The following TBC1D1 variants were observed in gnomAD, a reference collection of about 807,000 sequenced individuals.
TBC1D1 encodes TBC1 domain family member 1, also known as TBC1 (tre-2/USP6, BUB2, cdc16) domain family, member 1.
Under a neutral mutation model 125.6 loss-of-function variants are expected in TBC1D1, and 89 were observed. The ratio of observed to expected loss-of-function variants is 0.71; its 90% CI spans 0.60 to 0.85. TBC1D1 has a LOEUF of 0.85. TBC1D1 is among the 40% of genes least tolerant of loss of function. The pLI, the probability that TBC1D1 is intolerant of heterozygous loss-of-function variation, is 0.00. For missense variants in TBC1D1, 1,377 were observed against 1,469.2 expected (o/e 0.94, Z 1.03); for synonymous variants, 565 against 564.1 (o/e 1.00, Z -0.02).
intron 12 of TBC1D1, among the ~76,000 whole-genome samples, chr4:38,083,884 G>C (rs1312640647): frequency 6.6e-6 from 1 of 151,572 alleles, no homozygotes; most frequent in African/African-American, 2.4e-5. Flanking sequence ...CAGCATGCCT[G>C]GCATGAGGCA....
intron 2 of TBC1D1, among the ~76,000 whole-genome samples, chr4:37,970,552 A>G (rs536895708): frequency 5.5e-4 from 83 of 152,216 alleles, no homozygotes; most frequent in Non-Finnish European, 1.0e-3. Context: ...TTTCCTTTGC[A>G]GCCTGAAGTT....
At chr4:37,906,229 C>A (rs1319968505) in intron 2 of TBC1D1, among the ~76,000 whole-genome samples, 1 of 152,056 alleles carries the variant, frequency 6.6e-6, no homozygotes, top group African/African-American at 2.4e-5. Flanking sequence ...CTCACTGCAA[C>A]CTCTGCCTCC....
intron 6 of TBC1D1, among the ~76,000 whole-genome samples, chr4:38,023,389 G>A (rs1744459856): frequency 2.0e-5 from 3 of 152,046 alleles, no homozygotes; most frequent in Admixed American, 2.0e-4. Context: ...TTGTAAGCAT[G>A]CCCTTCATTG....
At chr4:37,905,188 T>C (rs1717047118) in intron 2 of TBC1D1, among the ~76,000 whole-genome samples, 1 of 152,220 alleles carries the variant, frequency 6.6e-6, no homozygotes, top group African/African-American at 2.4e-5. Context: ...GTATGTTCCA[T>C]AGAATATGAG....
intron 6 of TBC1D1, among the ~76,000 whole-genome samples, chr4:38,025,072 C>G (rs1744804028): frequency 6.6e-6 from 1 of 152,108 alleles, no homozygotes; most frequent in Non-Finnish European, 1.5e-5. Context: ...AAAAGAGGAG[C>G]ATTCATTAAA....
At position 37,957,268 on chromosome 4, in the gene TBC1D1, C is replaced by T. The variant is rs141892411; in HGVS notation, c.417+54756C>T. ...ATATGACACATGTTTTCATTCTTCACAATCATTAAAGTAATAAATAACACT... is the reference window on the plus strand; with the variant it reads ...ATATGACACATGTTTTCATTCTTCATAATCATTAAAGTAATAAATAACACT... On this transcript the variant is annotated intron_variant, in intron 2 of 19. Transcript: ENST00000261439. Among the ~76,000 whole-genome samples, 6 of 152,310 alleles carry T rather than the reference C, an allele frequency of 3.9e-5. No homozygotes were observed. The East Asian group carries it at 1.2e-3, about 29-fold the overall frequency.
chr4:38,119,734 A>T (rs1313555939), intron 17 of TBC1D1, among the ~76,000 whole-genome samples: 1 of 152,232 alleles, frequency 6.6e-6, no homozygotes, highest in Non-Finnish European at 1.5e-5. Context: ...ATACAGGGTC[A>T]TGAAGAGGAG....
chr4:38,124,899 A>G (rs1262396988), intron 17 of TBC1D1, 63 bp from the exon 20 acceptor site: 6 of 1,442,456 alleles, frequency 4.2e-6, no homozygotes, highest in Non-Finnish European at 2.9e-6. Context: ...GGAAAAGGCA[A>G]TGGAATGGTA....
intron 11 of TBC1D1, 63 bp from the exon 13 acceptor site, chr4:38,053,043 T>C: frequency 8.5e-7 from 1 of 1,170,480 alleles, no homozygotes; most frequent in Non-Finnish European, 1.1e-6. Flanking sequence ...TTGAAGCTTA[T>C]ATTTTATACT....
rs558749265 is a variant in TBC1D1 at position 38,086,719 on chromosome 4, T to C, written c.2051-3213T>C. Among the ~76,000 whole-genome samples, 9 of 152,066 alleles carry C rather than the reference T, an allele frequency of 5.9e-5. No homozygotes were observed. The South Asian group carries it at 1.7e-3, about 28-fold the overall frequency. ...CCGACGTGCTAGCAAGCGCATAGGG[T>C]TGCATGAGGAAATAGAGAGTAAAGC... On this transcript the variant is annotated intron_variant, in intron 12 of 19. Coordinates refer to ENST00000261439, the MANE Select transcript of TBC1D1 (RefSeq NM_015173.4).
chr4:38,029,398 G>A (rs1252024137), intron 7 of TBC1D1, among the ~76,000 whole-genome samples: 2 of 152,014 alleles, frequency 1.3e-5, no homozygotes, highest in African/African-American at 2.4e-5. Context: ...ACAGAGTCTC[G>A]CTCTGTTGCC....
chr4:38,087,863 GA>G (rs367742093), intron 12 of TBC1D1, among the ~76,000 whole-genome samples: 9,177 of 83,914 alleles, frequency 0.11, 451 homozygotes, highest in Non-Finnish European at 0.14. Flanking sequence ...AAAAAAAAAA[GA>G]AAAAAAAAAA....
At chr4:38,125,993 A>G (rs1045735193) in intron 18 of TBC1D1, among the ~76,000 whole-genome samples, 1 of 152,236 alleles carries the variant, frequency 6.6e-6, no homozygotes, top group African/African-American at 2.4e-5. Flanking sequence ...GTGTCACTTA[A>G]TAATAGCAAT....
At chr4:37,997,711 C>T (rs1338091574) in intron 2 of TBC1D1, among the ~76,000 whole-genome samples, 1 of 151,898 alleles carries the variant, frequency 6.6e-6, no homozygotes, top group Non-Finnish European at 1.5e-5. Flanking sequence ...TTAATAAGCA[C>T]TATTGAAAAT....
intron 2 of TBC1D1, among the ~76,000 whole-genome samples, chr4:37,961,965 G>T (rs1730143243): frequency 6.6e-6 from 1 of 152,184 alleles, no homozygotes; most frequent in Non-Finnish European, 1.5e-5. Context: ...TTGCTTCCAT[G>T]CTATTTTAAA....
At chr4:37,960,891 G>A (rs771174368) in intron 2 of TBC1D1, 1 of 1,614,012 alleles carries the variant, frequency 6.2e-7, no homozygotes. Flanking sequence ...TGATGAGGAG[G>A]GAGAGCTTGA....
intron 14 of TBC1D1, among the ~76,000 whole-genome samples, chr4:38,101,716 TC>T (rs1760367655): frequency 6.6e-6 from 1 of 152,196 alleles, no homozygotes; most frequent in South Asian, 2.1e-4. Context: ...ATTAGCTTAC[TC>T]CACCTCAGCT....
intron 2 of TBC1D1, among the ~76,000 whole-genome samples, chr4:37,971,920 A>T (rs1286075139): frequency 6.6e-6 from 1 of 152,148 alleles, no homozygotes; most frequent in Non-Finnish European, 1.5e-5. Context: ...TAGTTACTTC[A>T]TTCTTTATCC....
At chr4:37,940,437 G>T (rs1410257923) in intron 2 of TBC1D1, among the ~76,000 whole-genome samples, 1 of 152,182 alleles carries the variant, frequency 6.6e-6, no homozygotes, top group Non-Finnish European at 1.5e-5. Context: ...AGACGATGGG[G>T]TTATCTAGAT....
Sources: allele counts gnomAD v4.1 joint callset (sites outside exome capture counted in the v4.1 genomes callset), GRCh38; gene constraint gnomAD v4.1.1; transcripts MANE v1.5; gene names NCBI Gene and HGNC (gene_info 2026-07-23, HGNC 2026-07-21).